Variants in FAT4 observed in about 807,000 individuals in gnomAD.
FAT4 encodes protocadherin Fat 4.
Under a neutral mutation model 303.9 loss-of-function variants are expected in FAT4, and 84 were observed. The observed-to-expected ratio is 0.28, with a 90% CI of 0.23 to 0.33. The LOEUF is 0.33. FAT4 is among the 10% of genes least tolerant of loss of function. The pLI, the probability that FAT4 is intolerant of heterozygous loss-of-function variation, is 1.00. For missense variants in FAT4, 6,005 were observed against 6,146.8 expected (o/e 0.98, Z 0.77); for synonymous variants, 2,307 against 2,298.8 (o/e 1.00, Z -0.10).
rs2126021199 is a variant in FAT4 at position 125,408,588 on chromosome 4, A to T, written c.5714A>T (p.Asp1905Val). ...TGVFNLTRLL[D>V]YEVQQYYILT... ...GTCTTTAATTTGACTCGATTATTAG[A>T]TTATGAAGTACAGCAATATTATATC... Residue 1905 changes from aspartate to valine, a missense_variant, in exon 5 of 18, where the codon GAT becomes GTT. Coordinates refer to ENST00000394329, the MANE Select transcript of FAT4 (RefSeq NM_001291303.3). 6.2e-7 allele frequency: 1 copy of T among 1,613,068 alleles called. No homozygotes were observed. Among genetic ancestry groups the T allele is most frequent in the Non-Finnish European group, 8.5e-7 (1 of 1,179,432 alleles).
At chr4:125,355,246 A>G (rs1476048212) in intron 2 of FAT4, among the ~76,000 whole-genome samples, 1 of 151,970 alleles carries the variant, frequency 6.6e-6, no homozygotes, top group Non-Finnish European at 1.5e-5. Flanking sequence ...TTACCCTAAA[A>G]CATATTTACA....
chr4:125,401,912 AT>A (rs1734403659), intron 3 of FAT4, among the ~76,000 whole-genome samples: 1 of 151,892 alleles, frequency 6.6e-6, no homozygotes, highest in Non-Finnish European at 1.5e-5. Flanking sequence ...AGAGCAGAAT[AT>A]TTTTAACCAG....
chr4:125,412,173 A>G (rs1231844685), intron 5 of FAT4, among the ~76,000 whole-genome samples: 1 of 151,918 alleles, frequency 6.6e-6, no homozygotes, highest in Non-Finnish European at 1.5e-5. Flanking sequence ...TACTTCAAAT[A>G]TTCCGGGAGA....
intron 2 of FAT4, among the ~76,000 whole-genome samples, chr4:125,374,654 T>C (rs1274015438): frequency 6.6e-6 from 1 of 152,176 alleles, no homozygotes; most frequent in Non-Finnish European, 1.5e-5. Context: ...GTTCAGATTG[T>C]CCCTTATTGA....
At chr4:125,385,194 T>C (rs1366255557) in intron 2 of FAT4, among the ~76,000 whole-genome samples, 1 of 151,514 alleles carries the variant, frequency 6.6e-6, no homozygotes, top group Non-Finnish European at 1.5e-5. Context: ...GCTAATTTTT[T>C]GTATATTTAG....
chr4:125,448,398 T>C, intron 9 of FAT4, 63 bp from the exon 10 acceptor site: 1 of 1,453,812 alleles, frequency 6.9e-7, no homozygotes, highest in Non-Finnish European at 9.3e-7. Context: ...TATGCACTTA[T>C]CTGCTACCAA....
Position 125,317,790 on chromosome 4 carries a change from G to A in FAT4, c.1379G>A (p.Ser460Asn), listed in dbSNP as rs762440575. The A allele has an allele frequency of 6.2e-7, 1 of 1,614,208 alleles. No individual in the cohort carries two copies. Among genetic ancestry groups the A allele is most frequent in the East Asian group, 2.2e-5 (1 of 44,880 alleles). ...AAVQARSSVA[S>N]LVIFVNDIND... ...GTCCAGGCGCGCTCTTCTGTGGCAA[G>A]CCTGGTGATTTTTGTTAATGACATC... is the stretch of plus-strand genomic sequence containing the variant. The change falls in exon 2 of 18, where the codon AGC becomes AAC. Residue 460 changes from serine to asparagine, a missense_variant. Physicochemically the swap from Ser to Asn is conservative, Grantham distance 46. Coordinates refer to ENST00000394329, the MANE Select transcript of FAT4 (RefSeq NM_001291303.3). This position sits in a 1 kb window ranked among gnomAD's most constrained non-coding sequence, Gnocchi z 7.0.
rs905269379 is a variant in FAT4 at position 125,316,343 on chromosome 4, C to T, written c.-12-57C>T. 1 of 1,523,778 alleles carries T rather than the reference C, an allele frequency of 6.6e-7. No homozygotes were observed. 94.4% of individuals were successfully genotyped at this position (1,523,778 alleles called of 1,614,324 possible). ...AATCTTTGCTGGCGCTCCTTAATCC[C>T]TGTAAATATCATTGCGTTTGCTTCA... On this transcript the variant is annotated intron_variant, in intron 1 of 17. Coordinates refer to ENST00000394329, the MANE Select transcript of FAT4 (RefSeq NM_001291303.3). The surrounding 1 kb of genome is among the most constrained non-coding windows in gnomAD (Gnocchi z 5.7).
At chr4:125,384,853 G>A (rs529327663) in intron 2 of FAT4, among the ~76,000 whole-genome samples, 1 of 151,786 alleles carries the variant, frequency 6.6e-6, no homozygotes, top group African/African-American at 2.4e-5. Context: ...ATCAATGAAT[G>A]TTTGTTGGAT....
rs533731594 is a variant in FAT4 at position 125,383,722 on chromosome 4, G to A, written c.5176-15062G>A. ...GCAATGAAACATGGTTTTCCAGTAC[G>A]TGATATTAAACCATATCATGAAATT... On this transcript the variant is annotated intron_variant, in intron 2 of 17. Transcript: ENST00000394329. 1.6e-4 allele frequency among the ~76,000 whole-genome samples: 25 copies of A among 152,228 alleles called. No homozygotes were observed. The South Asian group carries it at 4.4e-3, about 27-fold the overall frequency.
chr4:125,428,634 T>C (rs1450134127), intron 7 of FAT4, among the ~76,000 whole-genome samples: 4 of 152,212 alleles, frequency 2.6e-5, no homozygotes, highest in Non-Finnish European at 4.4e-5. Context: ...ATTTTATCAC[T>C]TTTTCCATGT....
At position 125,328,018 on chromosome 4, in the gene FAT4, C is replaced by T. The variant is rs528959464; in HGVS notation, c.5175+6432C>T. Among the ~76,000 whole-genome samples, 8 of 152,150 alleles carry T rather than the reference C, an allele frequency of 5.3e-5. 1 individual carries two copies. In the South Asian group the frequency reaches 1.7e-3, roughly 32 times the overall value. ...TCTAGGCCCAGCGCTTTATAAAACC[C>T]ATAAAAGTAGGTGGTATTCCGAATT... On this transcript the variant is annotated intron_variant, in intron 2 of 17. Transcript: ENST00000394329.
chr4:125,350,787 A>G (rs1732192656), intron 2 of FAT4, among the ~76,000 whole-genome samples: 1 of 151,690 alleles, frequency 6.6e-6, no homozygotes, highest in Non-Finnish European at 1.5e-5. Flanking sequence ...CATTCTCTAC[A>G]GTAAGCCATT....
rs571234423 is a variant in FAT4 at position 125,477,574 on chromosome 4, C to T, written c.12479+240C>T. 2.2e-4 allele frequency among the ~76,000 whole-genome samples: 33 copies of T among 149,010 alleles called. No homozygotes were observed. The South Asian group carries it at 3.8e-3, about 17-fold the overall frequency. On this transcript the variant is annotated intron_variant, in intron 14 of 17. Coordinates refer to ENST00000394329, the MANE Select transcript of FAT4 (RefSeq NM_001291303.3). ...ATATATATATATATATGCATGTGGG[C>T]ATGTATATGTTTTATCCTCTTACAG... is the stretch of plus-strand genomic sequence containing the variant.
chr4:125,415,236 C>T lies in FAT4; in HGVS notation c.6273C>T (p.Asn2091=). ...PNSYIEYTLL[N]PLGNKFSIGT... is the part of the protein sequence containing the mutation. ...GCTATATTGAGTACACTCTGCTGAA[C>T]CCTTTGGGAAACAAGTTCAGTATTG... Residue 2091 remains asparagine (N), a synonymous_variant, in exon 6 of 18, where the codon AAC becomes AAT. Transcript: ENST00000394329. The T allele has an allele frequency of 6.2e-7, 1 of 1,614,050 alleles. No individual in the cohort carries two copies. Among genetic ancestry groups the T allele is most frequent in the Non-Finnish European group, 8.5e-7 (1 of 1,179,968 alleles).
rs1360290551 is a variant in FAT4, at chr4:125,492,847, A to C, written c.*1079A>C. The C allele has an allele frequency of 6.6e-6, 1 of 152,414 alleles. No homozygotes were observed. Among genetic ancestry groups the C allele is most frequent in the South Asian group, 2.1e-4 (1 of 4,828 alleles). 9.4% of individuals were successfully genotyped at this position (152,414 alleles called of 1,614,324 possible). ...TATTTGTTACTTATGTAACATTCATATTTTTCTCATTTTGATATTTGTAAC... is the reference window on the plus strand; with the variant it reads ...TATTTGTTACTTATGTAACATTCATCTTTTTCTCATTTTGATATTTGTAAC... On this transcript the variant is annotated 3_prime_UTR_variant, in exon 18 of 18. Coordinates refer to ENST00000394329, the MANE Select transcript of FAT4 (RefSeq NM_001291303.3).
rs573077421 is a variant in FAT4, at chr4:125,367,973, A to G, written c.5176-30811A>G. On this transcript the variant is annotated intron_variant, in intron 2 of 17. Coordinates refer to ENST00000394329, the MANE Select transcript of FAT4 (RefSeq NM_001291303.3). ...GCAATTTCCTACCTGATGGTGTGGA[A>G]CTCTCTAAATCTGCCAGTCCAGTTT... is the stretch of plus-strand genomic sequence containing the variant. 2.0e-5 allele frequency among the ~76,000 whole-genome samples: 3 copies of G among 151,884 alleles called. 1 individual carries two copies. The South Asian group carries it at 6.2e-4, about 32-fold the overall frequency.
At chr4:125,342,593 A>G (rs1242958545) in intron 2 of FAT4, among the ~76,000 whole-genome samples, 2 of 151,998 alleles carry the variant, frequency 1.3e-5, no homozygotes, top group Non-Finnish European at 2.9e-5. Context: ...TTATACACTC[A>G]TATTTCCTGT....
At chr4:125,359,664 A>G (rs538981145) in intron 2 of FAT4, among the ~76,000 whole-genome samples, 4 of 152,292 alleles carry the variant, frequency 2.6e-5, no homozygotes, top group African/African-American at 9.6e-5. Flanking sequence ...AAGAGAAGAG[A>G]AACTTCAAAG....
Sources: allele counts gnomAD v4.1 joint callset (sites outside exome capture counted in the v4.1 genomes callset), GRCh38; gene constraint gnomAD v4.1.1; non-coding constraint Gnocchi (gnomAD v3.1); transcripts MANE v1.5; gene names NCBI Gene and HGNC (gene_info 2026-07-23, HGNC 2026-07-21).